Variants in NRG3 observed in about 807,000 individuals in gnomAD.
The protein encoded by NRG3 is neuregulin 3.
In NRG3, 31 loss-of-function variants were observed where a neutral mutation model predicts 66.9. The ratio of observed to expected loss-of-function variants is 0.46; its 90% CI spans 0.35 to 0.63. The LOEUF (loss-of-function observed/expected upper bound fraction) is 0.63, where lower values mean the gene tolerates loss of function less well. Among genes scored for constraint, NRG3 ranks in the 20% least tolerant of loss-of-function variants. The probability of loss-of-function intolerance (pLI) is 0.00; values close to 1 mark genes in which losing one functional copy is unlikely to be tolerated. For synonymous variants in NRG3, 393 were observed against 359.4 expected, an observed-to-expected ratio of 1.09 and a Z score of -1.06; for missense variants, 910 against 878.9, an observed-to-expected ratio of 1.04 and a Z score of -0.45.
intron 1 of NRG3, among the ~76,000 whole-genome samples, chr10:82,133,212 C>A (rs901365464): frequency 6.6e-6 from 1 of 151,974 alleles, no homozygotes; most frequent in Non-Finnish European, 1.5e-5. Context: ...AAACTTTTCT[C>A]TTAGCACTGC....
intron 2 of NRG3, among the ~76,000 whole-genome samples, chr10:82,578,601 A>T (rs1565090714): frequency 6.6e-6 from 1 of 151,704 alleles, no homozygotes; most frequent in African/African-American, 2.4e-5. Flanking sequence ...GAATTTAAAC[A>T]GCTCAAGGTG....
intron 1 of NRG3, chr10:82,230,075 T>C (rs1301573371): frequency 1.3e-5 from 2 of 152,116 alleles, no homozygotes; most frequent in African/African-American, 4.8e-5. Context: ...AGAAAAAAAA[T>C]GTTTAAAGTT....
At chr10:81,930,933 A>G (rs1400052358) in intron 1 of NRG3, among the ~76,000 whole-genome samples, 2 of 152,148 alleles carry the variant, frequency 1.3e-5, no homozygotes, top group Non-Finnish European at 2.9e-5. Context: ...ACTGCATTCC[A>G]TGGACGGTTT....
intron 2 of NRG3, among the ~76,000 whole-genome samples, chr10:82,363,174 A>G (rs1024652625): frequency 2.6e-5 from 4 of 152,202 alleles, no homozygotes; most frequent in Non-Finnish European, 5.9e-5. Context: ...TAAAAGCTCA[A>G]TAGGGAAATT....
intron 1 of NRG3, among the ~76,000 whole-genome samples, chr10:82,057,162 G>T (rs1310526997): frequency 1.3e-5 from 2 of 151,518 alleles, no homozygotes; most frequent in Non-Finnish European, 1.5e-5. Flanking sequence ...TTCATTTCTT[G>T]TATTTTCTTC....
chr10:82,848,199 A>G (rs534795730), intron 3 of NRG3, among the ~76,000 whole-genome samples: 2 of 152,338 alleles, frequency 1.3e-5, no homozygotes, highest in African/African-American at 4.8e-5. Flanking sequence ...GAATAAAACA[A>G]CACAAACACG....
chr10:82,054,562 G>A (rs1165225859), intron 1 of NRG3, among the ~76,000 whole-genome samples: 1 of 152,108 alleles, frequency 6.6e-6, no homozygotes, highest in Non-Finnish European at 1.5e-5. Flanking sequence ...CAAGTAGGCA[G>A]TTAGATATAT....
chr10:82,449,073 G>T (rs950530721), intron 2 of NRG3, among the ~76,000 whole-genome samples: 5 of 152,116 alleles, frequency 3.3e-5, no homozygotes, highest in African/African-American at 1.2e-4. Flanking sequence ...CAGCCATCAG[G>T]CCCTTTATTC....
intron 2 of NRG3, among the ~76,000 whole-genome samples, chr10:82,684,664 G>T (rs2054369050): frequency 6.6e-6 from 1 of 151,964 alleles, no homozygotes; most frequent in Non-Finnish European, 1.5e-5. Flanking sequence ...TATATTCTTT[G>T]TACAGCCTTT....
intron 5 of NRG3, among the ~76,000 whole-genome samples, chr10:82,956,409 C>CA (rs1466281338): frequency 1.3e-5 from 2 of 151,530 alleles, no homozygotes; most frequent in African/African-American, 4.9e-5. Context: ...GAAGAAAGAG[C>CA]AAAAAAGTGT....
intron 1 of NRG3, among the ~76,000 whole-genome samples, chr10:82,177,268 G>A (rs973245208): frequency 7.9e-5 from 12 of 151,744 alleles, no homozygotes; most frequent in African/African-American, 2.9e-4. Context: ...TTTAATCTAA[G>A]GAGAAACTAA....
intron 3 of NRG3, among the ~76,000 whole-genome samples, chr10:82,806,236 C>T (rs1310870047): frequency 1.3e-5 from 2 of 152,140 alleles, no homozygotes; most frequent in African/African-American, 4.8e-5. Flanking sequence ...GCCTTATTGA[C>T]ACTTCCTGTT....
At chr10:82,171,731 G>T (rs567215699) in intron 1 of NRG3, among the ~76,000 whole-genome samples, 1 of 152,022 alleles carries the variant, frequency 6.6e-6, no homozygotes, top group South Asian at 2.1e-4. Context: ...AACCAAAATT[G>T]CTTCATGATT....
At chr10:82,638,805 C>A (rs537838053) in intron 2 of NRG3, among the ~76,000 whole-genome samples, 4 of 152,244 alleles carry the variant, frequency 2.6e-5, no homozygotes, top group South Asian at 4.2e-4. Context: ...TGCCACCATG[C>A]CCAGCTAATT....
chr10:82,141,051 T>C (rs1487443191), intron 1 of NRG3, among the ~76,000 whole-genome samples: 1 of 152,114 alleles, frequency 6.6e-6, no homozygotes, highest in Admixed American at 6.6e-5. Flanking sequence ...TGAGTACATA[T>C]GGGGAACCAG....
chr10:82,693,792 C>T (rs1346979154), intron 2 of NRG3, among the ~76,000 whole-genome samples: 3 of 152,258 alleles, frequency 2.0e-5, no homozygotes, highest in South Asian at 2.1e-4. Context: ...TCGAGTGTTA[C>T]AGCTTTAAAG....
At chr10:82,320,648 G>A (rs767191157) in intron 1 of NRG3, among the ~76,000 whole-genome samples, 3 of 152,094 alleles carry the variant, frequency 2.0e-5, no homozygotes, top group African/African-American at 7.2e-5. Context: ...ATGTACACTA[G>A]CCAGAAACAG....
At chr10:82,727,805 GC>G (rs2057686265) in intron 2 of NRG3, among the ~76,000 whole-genome samples, 1 of 152,134 alleles carries the variant, frequency 6.6e-6, no homozygotes, top group Admixed American at 6.5e-5. Context: ...CTCAATGGCA[GC>G]CCAAGAAAAC....
At chr10:82,896,370 T>C (rs1223664763) in intron 4 of NRG3, among the ~76,000 whole-genome samples, 3 of 152,180 alleles carry the variant, frequency 2.0e-5, no homozygotes, top group Non-Finnish European at 4.4e-5. Flanking sequence ...ATTTTATAGC[T>C]ACTGAACTTC....
Sources: gnomAD v4.1 joint callset for allele counts (sites outside exome capture counted in the v4.1 genomes callset) on GRCh38, gnomAD v4.1.1 for gene constraint, MANE v1.5 for transcripts, NCBI Gene and HGNC (gene_info 2026-07-23, HGNC 2026-07-21) for gene names.